Variants in SYN1 observed in about 807,000 individuals in gnomAD.
SYN1 encodes the protein synapsin-1.
SYN1 carries 8 observed loss-of-function variants against 44.6 expected under a neutral mutation model. That is an observed-to-expected ratio of 0.18 (90% CI 0.11 to 0.32). The LOEUF (loss-of-function observed/expected upper bound fraction) is 0.32. Ranked by LOEUF, SYN1 falls within the 10% of genes least tolerant of loss-of-function variation. SYN1 has a pLI of 1.00. For missense variants in SYN1, 451 were observed against 639.4 expected, an observed-to-expected ratio of 0.71 and a Z score of 3.18; for synonymous variants, 275 against 280.1, an observed-to-expected ratio of 0.98 and a Z score of 0.18.
intron 5 of SYN1, chrX:47,585,609 G>A (rs781122069): frequency 1.7e-6 from 2 of 1,194,852 alleles, no homozygotes; most frequent in African/African-American, 3.5e-5. Context: ...AACAGCCTGA[G>A]CTTAGCTCAG....
intron 1 of SYN1, among the ~76,000 whole-genome samples, chrX:47,615,176 T>C (rs915287163): frequency 8.9e-6 from 1 of 112,080 alleles, no homozygotes; most frequent in Non-Finnish European, 1.9e-5. Flanking sequence ...ACAGCAAATA[T>C]GAGAATATAG....
In SYN1 at chrX:47,619,448, G is replaced by C; in HGVS notation, c.281C>G (p.Thr94Ser). 16 of 1,195,251 alleles carry C rather than the reference G, an allele frequency of 1.3e-5. No homozygotes were observed. The highest frequency in any genetic ancestry group is 1.7e-5 in the Non-Finnish European group (15 of 892,306). ...VKQTTAAAAA[T>S]FSEQVGGGSG... is the part of the protein sequence containing the mutation. ...GCCGCCGCCCACCTGCTCGCTGAAG[G>C]TGGCAGCTGCCGCCGCCGTGGTCTG... The change falls in exon 1 of 13, where the codon ACC becomes AGC. Residue 94 changes from threonine (T) to serine (S), a missense_variant. Thr to Ser is a moderately conservative substitution (Grantham distance 58). Around this residue, in one of 3 missense-constraint regions of SYN1, gnomAD observed 315 missense variants for 451.4 expected, o/e 0.70. Coordinates refer to ENST00000295987, the MANE Select transcript of SYN1 (RefSeq NM_006950.3).
At chrX:47,613,858 T>G (rs764800588) in intron 1 of SYN1, among the ~76,000 whole-genome samples, 1 of 111,866 alleles carries the variant, frequency 8.9e-6, no homozygotes, top group East Asian at 2.8e-4. Flanking sequence ...CAAAACAGTG[T>G]CAACCCTAAA....
At chrX:47,580,891 G>A (rs1209886517) in intron 5 of SYN1, among the ~76,000 whole-genome samples, 3 of 108,924 alleles carry the variant, frequency 2.8e-5, no homozygotes, top group African/African-American at 6.7e-5. Context: ...CTGAGATCGC[G>A]CCACTGCACT....
intron 5 of SYN1, among the ~76,000 whole-genome samples, chrX:47,589,164 C>T (rs760200817): frequency 3.7e-5 from 4 of 107,845 alleles, no homozygotes; most frequent in East Asian, 5.8e-4. Context: ...GCTGTGGTGG[C>T]GCATGCCCTG....
At chrX:47,602,837 GTGA>G (rs957445064) in intron 5 of SYN1, among the ~76,000 whole-genome samples, 1 of 111,195 alleles carries the variant, frequency 9.0e-6, no homozygotes, top group Non-Finnish European at 1.9e-5. Context: ...CATAAAATTG[GTGA>G]TGATCATTTA....
intron 5 of SYN1, among the ~76,000 whole-genome samples, chrX:47,591,161 A>G (rs1311429648): frequency 1.8e-5 from 2 of 112,470 alleles, no homozygotes; most frequent in Non-Finnish European, 3.8e-5. Flanking sequence ...CTGGGATTAC[A>G]GGCGTGGGCC....
intron 1 of SYN1, among the ~76,000 whole-genome samples, chrX:47,608,255 GAA>G (rs1477560625): frequency 8.5e-3 from 68 of 7,974 alleles, no homozygotes; most frequent in Middle Eastern, 0.14. Flanking sequence ...AGGAAGGAAG[GAA>G]GGAAGGAAGG....
intron 9 of SYN1, among the ~76,000 whole-genome samples, chrX:47,575,599 T>A (rs765036984): frequency 3.2e-4 from 36 of 112,880 alleles, no homozygotes; most frequent in African/African-American, 9.3e-4. Context: ...GAAAATGGCA[T>A]GAAATTTAAA....
At chrX:47,611,621 T>G (rs1281163150) in intron 1 of SYN1, among the ~76,000 whole-genome samples, 1 of 111,816 alleles carries the variant, frequency 8.9e-6, no homozygotes, top group Non-Finnish European at 1.9e-5. Flanking sequence ...GGTGTCATAA[T>G]ATAGTCCAGA....
chrX:47,572,764 A>G lies in SYN1; in HGVS notation c.*100T>C. 1 of 1,126,524 alleles carries G rather than the reference A, an allele frequency of 8.9e-7. No individual in the cohort carries two copies. The highest frequency in any genetic ancestry group is 1.2e-6 in the Non-Finnish European group (1 of 822,194). 92.8% of individuals were successfully genotyped at this position (1,126,524 alleles called of 1,213,427 possible). On this transcript the variant is annotated 3_prime_UTR_variant, in exon 13 of 13. Coordinates refer to ENST00000295987, the MANE Select transcript of SYN1 (RefSeq NM_006950.3). ...AGAGGTGGAATCTTGGAGAACCGGGAGATGGGTTCTCAAGGGATTTGGAGA... is the reference window on the plus strand; with the variant it reads ...AGAGGTGGAATCTTGGAGAACCGGGGGATGGGTTCTCAAGGGATTTGGAGA...
At chrX:47,600,418 T>G (rs949969678) in intron 5 of SYN1, among the ~76,000 whole-genome samples, 4 of 111,331 alleles carry the variant, frequency 3.6e-5, no homozygotes, top group Non-Finnish European at 7.5e-5. Context: ...AGGATGGTCT[T>G]GAACTCCTGC....
chrX:47,605,004 T>A lies in SYN1; in HGVS notation c.748A>T (p.Thr250Ser). The change falls in exon 5 of 13, where the codon ACC becomes TCC. Residue 250 changes from threonine (T) to serine (S), a missense_variant. By Grantham distance (58) the Thr-to-Ser change is moderately conservative. This residue lies in a region of SYN1 where 315 missense variants were observed against 451.4 expected (regional missense o/e 0.70). Transcript: ENST00000295987. ...GTEEFPLIDQ[T>S]FYPNHKEMLS... ...ATTTCTTTGTGATTGGGGTAGAAGG[T>A]CTGATCAATTAGAGGGAATTCTTCT... The A allele has an allele frequency of 8.3e-7, 1 of 1,211,580 alleles. No individual in the cohort carries two copies. The highest frequency in any genetic ancestry group is 1.1e-6 in the Non-Finnish European group (1 of 895,353).
chrX:47,584,019 A>C (rs746282898), intron 5 of SYN1, among the ~76,000 whole-genome samples: 2 of 111,242 alleles, frequency 1.8e-5, no homozygotes, highest in South Asian at 7.6e-4. Flanking sequence ...GGCCAGTGGG[A>C]ATGTGTAGCT....
intron 5 of SYN1, among the ~76,000 whole-genome samples, chrX:47,603,115 T>C (rs2057884886): frequency 8.9e-6 from 1 of 112,056 alleles, no homozygotes; most frequent in Non-Finnish European, 1.9e-5. Context: ...GTTATATTAG[T>C]AATCTTAATT....
Position 47,575,170 on chromosome X carries a change from C to T in SYN1, c.1263G>A (p.Gln421=), listed in dbSNP as rs746903128. The change falls in exon 10 of 13, where the codon CAG becomes CAA. Residue 421 remains glutamine (Q), a synonymous_variant. Coordinates refer to ENST00000295987, the MANE Select transcript of SYN1 (RefSeq NM_006950.3). ...TGCCAGGGGAGGCATCCCGCTGTCG[C>T]TGCCGGGGCAGGGCCTGAGCCATCT... The part of the protein sequence containing the change: ...VNKMAQALPR[Q]RQRDASPGRG... The T allele has an allele frequency of 1.4e-5, 17 of 1,193,276 alleles. No homozygotes were observed. The highest frequency in any genetic ancestry group is 4.5e-6 in the Non-Finnish European group (4 of 886,560).
chrX:47,583,817 A>AT (rs2147917728), intron 5 of SYN1, among the ~76,000 whole-genome samples: 1 of 111,230 alleles, frequency 9.0e-6, no homozygotes, highest in South Asian at 3.7e-4. Context: ...TTCCCTGGCC[A>AT]TCCTGTTTAA....
chrX:47,609,502 G>A (rs984678053), intron 1 of SYN1, among the ~76,000 whole-genome samples: 2 of 112,223 alleles, frequency 1.8e-5, no homozygotes, highest in Non-Finnish European at 3.8e-5. Flanking sequence ...CCTCACAAGT[G>A]TTGATCCCAA....
intron 1 of SYN1, among the ~76,000 whole-genome samples, chrX:47,615,406 T>C (rs2057928425): frequency 8.9e-6 from 1 of 112,257 alleles, no homozygotes; most frequent in African/African-American, 3.2e-5. Context: ...TGTAAAGCCA[T>C]TGTATAACAC....
Sources: allele counts gnomAD v4.1 joint callset (sites outside exome capture counted in the v4.1 genomes callset), GRCh38; gene constraint gnomAD v4.1.1; regional missense constraint gnomAD v4.1.1; transcripts MANE v1.5; gene names NCBI Gene and HGNC (gene_info 2026-07-23, HGNC 2026-07-21).